Variants in ARID3B observed in about 807,000 individuals in gnomAD.
ARID3B encodes AT-rich interaction domain 3B.
Under a neutral mutation model 51.9 loss-of-function variants are expected in ARID3B, and 10 were observed. That is an observed-to-expected ratio of 0.19 (90% CI 0.12 to 0.33). ARID3B has a LOEUF of 0.33. ARID3B is among the 10% of genes least tolerant of loss of function. The probability of loss-of-function intolerance (pLI) is 1.00; values close to 1 mark genes in which losing one functional copy is unlikely to be tolerated. For missense variants in ARID3B, 483 were observed against 716.3 expected, an observed-to-expected ratio of 0.67 and a Z score of 3.72; for synonymous variants, 205 against 279.5, an observed-to-expected ratio of 0.73 and a Z score of 2.66.
Position 74,591,344 on chromosome 15 carries a change from A to C in ARID3B, c.1075A>C (p.Lys359Gln). ...GGCCCCTGCCCTTCTCTCCCCACCC[A>C]AGATCCGCTTTCCCATCCTTGGGCT... is the stretch of plus-strand genomic sequence containing the variant. ...AGAPALLSPP[K>Q]IRFPILGLGS... is the part of the protein sequence containing the mutation. Residue 359 changes from lysine to glutamine, a missense_variant, in exon 6 of 9, where the codon AAG becomes CAG. Lys to Gln is a moderately conservative substitution (Grantham distance 53, BLOSUM62 1). Transcript: ENST00000346246. The surrounding 1 kb of genome is among the most constrained non-coding windows in gnomAD (Gnocchi z 5.8). 6.2e-7 allele frequency: 1 copy of C among 1,613,878 alleles called. No individual in the cohort carries two copies. Among genetic ancestry groups the C allele is most frequent in the Non-Finnish European group, 8.5e-7 (1 of 1,179,878 alleles).
At chr15:74,553,723 A>T (rs1020570767) in intron 2 of ARID3B, among the ~76,000 whole-genome samples, 1 of 152,132 alleles carries the variant, frequency 6.6e-6, no homozygotes, top group Non-Finnish European at 1.5e-5. Flanking sequence ...GAGAGAATGT[A>T]TGTTAATCCA....
chr15:74,593,057 G>T, intron 7 of ARID3B, 81 bp from the exon 8 acceptor site: 3 of 1,234,750 alleles, frequency 2.4e-6, no homozygotes, highest in Non-Finnish European at 2.3e-6. Flanking sequence ...TTTGACCAGG[G>T]GTGGCCAGGC....
rs770104893 is a variant in ARID3B at position 74,591,310 on chromosome 15, C to T, written c.1041C>T (p.Ala347=). The T allele has an allele frequency of 1.5e-5, 24 of 1,613,478 alleles. No individual in the cohort carries two copies. The Middle Eastern group carries it at 5.0e-4, about 34-fold the overall frequency. ...CACCTGCTGCGGCTACTGCTGCTGC[C>T]GCTGCCGGGGCCCCTGCCCTTCTCT... ...GYSPAAATAA[A]AAGAPALLSP... The change falls in exon 6 of 9, where the codon GCC becomes GCT. Residue 347 remains alanine (A), a synonymous_variant. Transcript: ENST00000346246. This position sits in a 1 kb window ranked among gnomAD's most constrained non-coding sequence, Gnocchi z 5.8.
intron 2 of ARID3B, among the ~76,000 whole-genome samples, chr15:74,570,623 G>A (rs1051394288): frequency 6.6e-6 from 1 of 152,170 alleles, no homozygotes; most frequent in African/African-American, 2.4e-5. Context: ...AACAGAAGCG[G>A]CAATGATCCC....
chr15:74,568,902 T>G (rs2061709408), intron 2 of ARID3B, among the ~76,000 whole-genome samples: 1 of 152,186 alleles, frequency 6.6e-6, no homozygotes, highest in African/African-American at 2.4e-5. Flanking sequence ...CAGGTTAAAC[T>G]TGCATGCAGC....
At chr15:74,588,098 C>G (rs2061787705) in intron 4 of ARID3B, among the ~76,000 whole-genome samples, 1 of 152,030 alleles carries the variant, frequency 6.6e-6, no homozygotes, top group African/African-American at 2.4e-5. Flanking sequence ...TTTAAATTCC[C>G]TGAGTGTGGT....
chr15:74,543,227 G>C (rs1035382757), intron 1 of ARID3B, among the ~76,000 whole-genome samples: 1 of 152,288 alleles, frequency 6.6e-6, no homozygotes, highest in Admixed American at 6.5e-5. Context: ...ATAATGTCCA[G>C]TTAGTATGGC....
chr15:74,595,666 G>A lies in ARID3B; in HGVS notation c.1575G>A (p.Gln525=), dbSNP rs1225806089. ...ACCTCATCACGGGGTCTGCTCCCCA[G>A]AGCCTCGGCAGCAGCGCCAGCAGCA... is the stretch of plus-strand genomic sequence containing the variant. ...VVHLITGSAP[Q]SLGSSASSSS... is the part of the protein sequence containing the mutation. Residue 525 remains glutamine, a synonymous_variant, in exon 9 of 9, where the codon CAG becomes CAA. Coordinates refer to ENST00000346246, the MANE Select transcript of ARID3B (RefSeq NM_006465.4). 6.2e-7 allele frequency: 1 copy of A among 1,613,694 alleles called. No individual in the cohort carries two copies. The highest frequency in any genetic ancestry group is 1.3e-5 in the African/African-American group (1 of 75,030).
intron 2 of ARID3B, among the ~76,000 whole-genome samples, chr15:74,553,476 T>C (rs914433919): frequency 6.6e-6 from 1 of 152,258 alleles, no homozygotes; most frequent in Non-Finnish European, 1.5e-5. Context: ...GGTTTCATTG[T>C]TGGCTAGTAC....
intron 2 of ARID3B, among the ~76,000 whole-genome samples, chr15:74,550,628 A>C (rs1450976484): frequency 1.3e-5 from 2 of 151,590 alleles, no homozygotes; most frequent in Admixed American, 6.6e-5. Context: ...AGTGGCATGA[A>C]CCCGGGAGGC....
At chr15:74,587,724 G>C (rs2061786487) in intron 4 of ARID3B, among the ~76,000 whole-genome samples, 1 of 152,164 alleles carries the variant, frequency 6.6e-6, no homozygotes, top group Non-Finnish European at 1.5e-5. Context: ...TCCTGCTGGG[G>C]GCTTTTGTCT....
At chr15:74,577,463 A>G (rs1567123326) in intron 4 of ARID3B, among the ~76,000 whole-genome samples, 1 of 152,126 alleles carries the variant, frequency 6.6e-6, no homozygotes, top group African/African-American at 2.4e-5. Context: ...CAGAAATAAA[A>G]AAGAAGAAGA....
chr15:74,583,730 A>G (rs181749256), intron 4 of ARID3B, among the ~76,000 whole-genome samples: 1 of 152,124 alleles, frequency 6.6e-6, no homozygotes, highest in African/African-American at 2.4e-5. Context: ...AAAAAAAAAA[A>G]AGTTCTTTAT....
chr15:74,595,342 T>A (rs949975615), intron 8 of ARID3B, among the ~76,000 whole-genome samples: 2 of 152,196 alleles, frequency 1.3e-5, no homozygotes, highest in Admixed American at 1.3e-4. Flanking sequence ...CTGGCCTTGG[T>A]GTTCCTCTTT....
chr15:74,564,829 G>C (rs560742177), intron 2 of ARID3B, among the ~76,000 whole-genome samples: 1 of 151,972 alleles, frequency 6.6e-6, no homozygotes, highest in South Asian at 2.1e-4. Flanking sequence ...TCAAACTCCT[G>C]GGCTCAAGTG....
Position 74,597,234 on chromosome 15 carries a change from G to A in ARID3B, c.*1460G>A. ...CGCGGGAGCAGGCAGCTCCTGTGCTGTAAAGAAAATTGATTCGCTTGCGGC... is the reference window on the plus strand; with the variant it reads ...CGCGGGAGCAGGCAGCTCCTGTGCTATAAAGAAAATTGATTCGCTTGCGGC... On this transcript the variant is annotated 3_prime_UTR_variant, in exon 9 of 9. Coordinates refer to ENST00000346246, the MANE Select transcript of ARID3B (RefSeq NM_006465.4). 1 of 376,644 alleles carries A rather than the reference G, an allele frequency of 2.7e-6. No individual in the cohort carries two copies. The highest frequency in any genetic ancestry group is 5.0e-6 in the Non-Finnish European group (1 of 201,892). 23.3% of individuals were successfully genotyped at this position (376,644 alleles called of 1,614,324 possible).
At chr15:74,565,163 T>G (rs2061693039) in intron 2 of ARID3B, among the ~76,000 whole-genome samples, 1 of 151,620 alleles carries the variant, frequency 6.6e-6, no homozygotes, top group South Asian at 2.1e-4. Flanking sequence ...TCCCACCTCA[T>G]CCTCCCAAGT....
At chr15:74,584,373 A>T (rs1297422398) in intron 4 of ARID3B, among the ~76,000 whole-genome samples, 3 of 152,020 alleles carry the variant, frequency 2.0e-5, no homozygotes, top group Non-Finnish European at 4.4e-5. Flanking sequence ...ACAGGTCTTA[A>T]CTCTTCCAGG....
At position 74,597,575 on chromosome 15, in the gene ARID3B, G is replaced by A. The variant is rs1567129432; in HGVS notation, c.*1801G>A. 5.6e-6 allele frequency: 3 copies of A among 535,604 alleles called. No homozygotes were observed. The highest frequency in any genetic ancestry group is 3.1e-5 in the South Asian group (2 of 65,166). The allele number at this position is 535,604 out of a possible 1,614,324, so 33.2% of individuals were successfully genotyped here. ...GACCTCCTCTGGCCTCAGCCTGCAG[G>A]GTGTGGGCAGAGAAGGGCATCTGGG... On this transcript the variant is annotated 3_prime_UTR_variant, in exon 9 of 9. Transcript: ENST00000346246.
Sources: allele counts gnomAD v4.1 joint callset (sites outside exome capture counted in the v4.1 genomes callset), GRCh38; gene constraint gnomAD v4.1.1; non-coding constraint Gnocchi (gnomAD v3.1); transcripts MANE v1.5; gene names NCBI Gene and HGNC (gene_info 2026-07-23, HGNC 2026-07-21).